POU6F1: variants seen among roughly 807,000 people sequenced by gnomAD.
The protein encoded by POU6F1 is POU domain, class 6, transcription factor 1.
In POU6F1, 9 loss-of-function variants were observed where a neutral mutation model predicts 28.9. The observed-to-expected ratio is 0.31, with a 90% CI of 0.19 to 0.54. The LOEUF (loss-of-function observed/expected upper bound fraction) is 0.54. Among genes scored for constraint, POU6F1 ranks in the 20% least tolerant of loss-of-function variants. The pLI is 0.94. For missense variants in POU6F1, 338 were observed against 426.1 expected, an observed-to-expected ratio of 0.79 and a Z score of 1.82; for synonymous variants, 173 against 171.1, an observed-to-expected ratio of 1.01 and a Z score of -0.09.
chr12:51,205,820 T>G (rs906933421), intron 2 of POU6F1, among the ~76,000 whole-genome samples: 43 of 142,994 alleles, frequency 3.0e-4, no homozygotes, highest in African/African-American at 1.1e-3. Flanking sequence ...TTTTCTTTCT[T>G]TTTTTTTTTT....
At chr12:51,202,736 A>G (rs961369854) in intron 3 of POU6F1, among the ~76,000 whole-genome samples, 2 of 152,212 alleles carry the variant, frequency 1.3e-5, no homozygotes, top group Non-Finnish European at 2.9e-5. Flanking sequence ...AGACAATTTG[A>G]CAATGGCCAA....
At chr12:51,196,953 C>T in intron 6 of POU6F1, 26 bp from the exon 7 acceptor site, 3 of 1,443,994 alleles carry the variant, frequency 2.1e-6, no homozygotes, top group Non-Finnish European at 2.9e-6. Context: ...GAGCCTTGCT[C>T]AGAAGCCAAG....
In POU6F1 at chr12:51,197,892, T is replaced by C; in HGVS notation, c.724A>G (p.Thr242Ala). ...GGCTGCGGGAGGATGGCAGGTGTGGTCTGCAGCAGCGGCTGGGTCTGGAAC... is the reference window on the plus strand; with the variant it reads ...GGCTGCGGGAGGATGGCAGGTGTGGCCTGCAGCAGCGGCTGGGTCTGGAAC... ...TLFQTQPLLQ[T>A]TPAILPQPTA... Residue 242 changes from threonine (T) to alanine (A), a missense_variant, in exon 6 of 11, where the codon ACC becomes GCC. This residue lies in a region of POU6F1 where 206 missense variants were observed against 225.6 expected (regional missense o/e 0.91). Coordinates refer to ENST00000333640, the MANE Select transcript of POU6F1 (RefSeq NM_001330422.2). 2.5e-6 allele frequency: 1 copy of C among 406,226 alleles called. No individual in the cohort carries two copies. Among genetic ancestry groups the C allele is most frequent in the Non-Finnish European group, 4.3e-6 (1 of 231,224 alleles). 25.2% of individuals were successfully genotyped at this position (406,226 alleles called of 1,614,324 possible). A position where few individuals can be genotyped will look rare whatever the true frequency, so the allele number is the denominator to read the frequency against.
chr12:51,203,425 T>G (rs1314046072), intron 3 of POU6F1, among the ~76,000 whole-genome samples: 2 of 152,096 alleles, frequency 1.3e-5, no homozygotes, highest in Non-Finnish European at 2.9e-5. Flanking sequence ...TGATGACCCA[T>G]CCTGGCCTCA....
At position 51,189,270 on chromosome 12, in the gene POU6F1, G is replaced by A. The variant is rs1316948722; in HGVS notation, c.*977C>T. 1 of 152,146 alleles carries A rather than the reference G, an allele frequency of 6.6e-6. No individual in the cohort carries two copies. The highest frequency in any genetic ancestry group is 1.5e-5 in the Non-Finnish European group (1 of 68,040). 9.4% of individuals were successfully genotyped at this position (152,146 alleles called of 1,614,324 possible). ...TTGTTTAATTTGCTCCTTTTGAGAA[G>A]GCCCCAGTATTGGGTTGGGAATGGG... On this transcript the variant is annotated 3_prime_UTR_variant, in exon 11 of 11. Coordinates refer to ENST00000333640, the MANE Select transcript of POU6F1 (RefSeq NM_001330422.2).
rs1473403578 is a variant in POU6F1 at position 51,217,701 on chromosome 12, C to G, written c.-107G>C. 2 of 152,024 alleles carry G rather than the reference C, an allele frequency of 1.3e-5. No homozygotes were observed. The highest frequency in any genetic ancestry group is 2.4e-5 in the African/African-American group (1 of 41,348). 9.4% of individuals were successfully genotyped at this position (152,024 alleles called of 1,614,324 possible). On this transcript the variant is annotated 5_prime_UTR_variant, in exon 1 of 11. The change abolishes an upstream ATG in the 5' untranslated region. Coordinates refer to ENST00000333640, the MANE Select transcript of POU6F1 (RefSeq NM_001330422.2). The surrounding 1 kb of genome is among the most constrained non-coding windows in gnomAD (Gnocchi z 5.3). ...GTCTGGCGGCCACCGATTAGAGATT[C>G]ATCTCACAGCCCGGGCCAGGGGGCC...
At chr12:51,198,112 G>C (rs1459346127) in intron 5 of POU6F1, 89 bp from the exon 6 acceptor site, 2 of 398,414 alleles carry the variant, frequency 5.0e-6, no homozygotes, top group Non-Finnish European at 8.8e-6. Flanking sequence ...ACAAGAAGGA[G>C]AGGGGGTTGG....
At chr12:51,197,276 G>T (rs1411985876) in intron 6 of POU6F1, among the ~76,000 whole-genome samples, 7 of 152,110 alleles carry the variant, frequency 4.6e-5, no homozygotes, top group Non-Finnish European at 1.0e-4. Flanking sequence ...GGGCTGCAGG[G>T]GTCAGCAGGG....
At chr12:51,204,504 T>C in intron 2 of POU6F1, 136 bp from the exon 3 acceptor site, 1 of 397,054 alleles carries the variant, frequency 2.5e-6, no homozygotes, top group Non-Finnish European at 4.4e-6. Context: ...CTGTGTGCTC[T>C]GTGAGAATTC....
At position 51,199,209 on chromosome 12, in the gene POU6F1, T is replaced by C. The variant is rs1451947408; in HGVS notation, c.367-434A>G. Among the ~76,000 whole-genome samples the C allele has an allele frequency of 3.3e-4, 1 of 3,000 alleles. No individual in the cohort carries two copies. The highest frequency in any genetic ancestry group is 3.9e-3 in the Admixed American group (1 of 254). The allele number at this position is 3,000 out of a possible 152,430, so 2.0% of individuals were successfully genotyped here. A position where few individuals can be genotyped will look rare whatever the true frequency, so the allele number is the denominator to read the frequency against. On this transcript the variant is annotated intron_variant, in intron 4 of 10. Coordinates refer to ENST00000333640, the MANE Select transcript of POU6F1 (RefSeq NM_001330422.2). The surrounding 1 kb of genome is among the most constrained non-coding windows in gnomAD (Gnocchi z 4.1). ...GTGGTCAAGGCCCCGCAGAGGCTAA[T>C]GGAACCAAGTGGTCAAGGCCCCACA...
Position 51,190,017 on chromosome 12 carries a change from T to C in POU6F1, c.*230A>G. ...ACGTCACAAATCCTCTTCTTCGGAGTGACCAGCCCAGAGCCTGGAGCTCTC... is the reference window on the plus strand; with the variant it reads ...ACGTCACAAATCCTCTTCTTCGGAGCGACCAGCCCAGAGCCTGGAGCTCTC... On this transcript the variant is annotated 3_prime_UTR_variant, in exon 11 of 11. Transcript: ENST00000333640. The surrounding 1 kb of genome is among the most constrained non-coding windows in gnomAD (Gnocchi z 4.5). 1.4e-6 allele frequency: 1 copy of C among 693,232 alleles called. No homozygotes were observed. The highest frequency in any genetic ancestry group is 3.1e-5 in the Admixed American group (1 of 32,586). The allele number at this position is 693,232 out of a possible 1,614,324, so 42.9% of individuals were successfully genotyped here.
intron 3 of POU6F1, among the ~76,000 whole-genome samples, chr12:51,203,509 A>C (rs1024835795): frequency 6.6e-6 from 1 of 152,212 alleles, no homozygotes; most frequent in African/African-American, 2.4e-5. Flanking sequence ...CAAAAAGAAA[A>C]GAAAATGACT....
rs1419104927 is a variant in POU6F1, at chr12:51,188,119, G to A, written c.*2128C>T. ...ATTTTTGTATTTTTAGTAGAGACGG[G>A]GTTTCACCATGTTGGTCAGGCTGGT... On this transcript the variant is annotated 3_prime_UTR_variant, in exon 11 of 11. Coordinates refer to ENST00000333640, the MANE Select transcript of POU6F1 (RefSeq NM_001330422.2). 1 of 134,540 alleles carries A rather than the reference G, an allele frequency of 7.4e-6. No homozygotes were observed. Among genetic ancestry groups the A allele is most frequent in the Non-Finnish European group, 1.6e-5 (1 of 64,242 alleles). 8.3% of individuals were successfully genotyped at this position (134,540 alleles called of 1,614,324 possible).
At chr12:51,192,904 CAA>C (rs11361026) in intron 8 of POU6F1, among the ~76,000 whole-genome samples, 13 of 110,926 alleles carry the variant, frequency 1.2e-4, no homozygotes, top group Admixed American at 1.9e-4. Flanking sequence ...GACTCCGTCT[CAA>C]AAAAAAAAAA....
At chr12:51,215,143 G>A (rs1175850841) in intron 1 of POU6F1, among the ~76,000 whole-genome samples, 7 of 152,066 alleles carry the variant, frequency 4.6e-5, no homozygotes, top group Non-Finnish European at 1.0e-4. Context: ...ACGAGGTCAC[G>A]TCATAGCCAC....
At position 51,191,680 on chromosome 12, in the gene POU6F1, A is replaced by G. The variant is rs774619835; in HGVS notation, c.1406T>C (p.Leu469Pro). 2 of 1,614,148 alleles carry G rather than the reference A, an allele frequency of 1.2e-6. No homozygotes were observed. Among genetic ancestry groups the G allele is most frequent in the Admixed American group, 1.7e-5 (1 of 60,024 alleles). ...EFAKNFKIRR[L>P]SLGLTQTQVG... is the part of the protein sequence containing the mutation. ...CTGGGTCTGTGTAAGGCCCAGCGAGAGCCGCCGGATCTTAAAGTTCTTGGC... is the reference window on the plus strand; with the variant it reads ...CTGGGTCTGTGTAAGGCCCAGCGAGGGCCGCCGGATCTTAAAGTTCTTGGC... The change falls in exon 10 of 11, where the codon CTC (leucine) becomes CCC (proline). Residue 469 changes from leucine (L) to proline (P), a missense_variant. Coordinates refer to ENST00000333640, the MANE Select transcript of POU6F1 (RefSeq NM_001330422.2).
chr12:51,215,881 T>C (rs1005807827), intron 1 of POU6F1, among the ~76,000 whole-genome samples: 1 of 152,220 alleles, frequency 6.6e-6, no homozygotes, highest in Admixed American at 6.5e-5. Context: ...GAGGATTAAA[T>C]TGATAATATT....
At position 51,196,940 on chromosome 12, in the gene POU6F1, G is replaced by A. The variant is rs182264458; in HGVS notation, c.847-13C>T. 128 of 1,503,936 alleles carry A rather than the reference G, an allele frequency of 8.5e-5. 1 individual carries two copies. The Admixed American group carries it at 2.2e-3, about 26-fold the overall frequency. 93.2% of individuals were successfully genotyped at this position (1,503,936 alleles called of 1,614,324 possible). ...AAGCAGCACTGATCTGTGGGTGGAGGAAGAGCCTTGCTCAGAAGCCAAGGG... is the reference window on the plus strand; with the variant it reads ...AAGCAGCACTGATCTGTGGGTGGAGAAAGAGCCTTGCTCAGAAGCCAAGGG... On this transcript the variant is annotated splice_polypyrimidine_tract_variant and intron_variant, in intron 6 of 10. Transcript: ENST00000333640.
chr12:51,203,827 T>C (rs1391795172), intron 3 of POU6F1, among the ~76,000 whole-genome samples: 3 of 152,084 alleles, frequency 2.0e-5, no homozygotes, highest in Non-Finnish European at 2.9e-5. Context: ...GGAAGACTGA[T>C]GAGAGGGTGC....
Sources: gnomAD v4.1 joint callset for allele counts (sites outside exome capture counted in the v4.1 genomes callset) on GRCh38, gnomAD v4.1.1 for gene constraint, gnomAD v4.1.1 regional missense constraint, Gnocchi (gnomAD v3.1) non-coding constraint, MANE v1.5 for transcripts, NCBI Gene and HGNC (gene_info 2026-07-23, HGNC 2026-07-21) for gene names.